ANKRD36B: variants seen among roughly 807,000 people sequenced by gnomAD.
The protein encoded by ANKRD36B is ankyrin repeat domain 36B, also known as ankyrin repeat domain-containing protein 36B.
In ANKRD36B, 37 loss-of-function variants were observed where a neutral mutation model predicts 135.7. The ratio of observed to expected loss-of-function variants is 0.27; its 90% CI spans 0.21 to 0.36. The LOEUF (loss-of-function observed/expected upper bound fraction) is 0.36. ANKRD36B is among the 10% of genes least tolerant of loss of function. ANKRD36B has a pLI of 1.00. For synonymous variants in ANKRD36B, 179 were observed against 348.1 expected, an observed-to-expected ratio of 0.51 and a Z score of 5.41; for missense variants, 549 against 1,037.1, an observed-to-expected ratio of 0.53 and a Z score of 6.46.
rs188773792 is a variant in ANKRD36B at position 97,527,437 on chromosome 2, C to A, written c.2266-3970G>T. ...CATGGAAAGGAACAACCGGTACCAG[C>A]CACTGCAAAATCATGACAAAATATA... On this transcript the variant is annotated intron_variant, in intron 35 of 43. Transcript: ENST00000359901. Among the ~76,000 whole-genome samples the A allele has an allele frequency of 5.0e-3, 470 of 94,458 alleles. 125 individuals carry two copies. Among genetic ancestry groups the A allele is most frequent in the African/African-American group, 0.014 (451 of 31,404 alleles). The allele number at this position is 94,458 out of a possible 152,430, so 62.0% of individuals were successfully genotyped here.
intron 1 of ANKRD36B, among the ~76,000 whole-genome samples, chr2:97,586,977 C>T (rs2083046690): frequency 6.6e-6 from 1 of 152,134 alleles, no homozygotes; most frequent in Admixed American, 6.5e-5. Context: ...AGTTTGAGAC[C>T]AGCCTGGTCA....
At chr2:97,552,158 C>T (rs926979991) in intron 16 of ANKRD36B, among the ~76,000 whole-genome samples, 3 of 151,910 alleles carry the variant, frequency 2.0e-5, no homozygotes, top group African/African-American at 7.2e-5. Flanking sequence ...GGATAATATA[C>T]TAGCCTCAAT....
At position 97,527,253 on chromosome 2, in the gene ANKRD36B, C is replaced by G. The variant is rs2078267252; in HGVS notation, c.2266-3786G>C. 2.1e-5 allele frequency among the ~76,000 whole-genome samples: 2 copies of G among 95,784 alleles called. 1 individual carries two copies. The highest frequency in any genetic ancestry group is 5.5e-5 in the Non-Finnish European group (2 of 36,136). 62.8% of individuals were successfully genotyped at this position (95,784 alleles called of 152,430 possible). A position where few individuals can be genotyped will look rare whatever the true frequency, so the allele number is the denominator to read the frequency against. Reference sequence around the variant, plus strand: ...GAAGAGAGTGGGGGCCAATATTCAACATTCTTAAAGAAAAGAATTTTCAAC... The same window carrying G: ...GAAGAGAGTGGGGGCCAATATTCAAGATTCTTAAAGAAAAGAATTTTCAAC... On this transcript the variant is annotated intron_variant, in intron 35 of 43. Transcript: ENST00000359901.
In ANKRD36B at chr2:97,515,020, C is replaced by T. The variant is rs544164817; in HGVS notation, c.2621+712G>A. 1.1e-4 allele frequency among the ~76,000 whole-genome samples: 9 copies of T among 80,258 alleles called. 2 individuals are homozygous for T. Among genetic ancestry groups the T allele is most frequent in the Admixed American group, 8.6e-4 (8 of 9,264 alleles). The allele number at this position is 80,258 out of a possible 152,430, so 52.7% of individuals were successfully genotyped here. A position where few individuals can be genotyped will look rare whatever the true frequency, so the allele number is the denominator to read the frequency against. On this transcript the variant is annotated intron_variant, in intron 37 of 43. Transcript: ENST00000359901. ...CCAGTTTCATGTGATTCTCCTGCCTCAGCCTCCTGCGTAGCTGGGATTACA... is the reference window on the plus strand; with the variant it reads ...CCAGTTTCATGTGATTCTCCTGCCTTAGCCTCCTGCGTAGCTGGGATTACA...
At chr2:97,586,474 T>C (rs1369557354) in intron 1 of ANKRD36B, among the ~76,000 whole-genome samples, 3 of 152,022 alleles carry the variant, frequency 2.0e-5, no homozygotes, top group Non-Finnish European at 2.9e-5. Flanking sequence ...AATCTCAGCT[T>C]GCTCAGGCTG....
At chr2:97,554,907 G>C (rs2080371277) in intron 14 of ANKRD36B, among the ~76,000 whole-genome samples, 153 bp downstream of exon 14, 1 of 151,898 alleles carries the variant, frequency 6.6e-6, no homozygotes, top group African/African-American at 2.4e-5. Context: ...AGCAGCATCA[G>C]CATCACCCGA....
rs1178563803 is a variant in ANKRD36B at position 97,589,664 on chromosome 2, C to T, written c.22G>A (p.Gly8Ser). The change falls in exon 1 of 44, where the codon GGC becomes AGC. Residue 8 changes from glycine to serine, a missense_variant. Physicochemically the swap from Gly to Ser is moderately conservative, Grantham distance 56. Transcript: ENST00000359901. ...ATGTAGTAATGGGGAAATGCGAAGC[C>T]ATCCGAGCACAAGCGCTCCATGAGG... is the stretch of plus-strand genomic sequence containing the variant. MERLCSD[G>S]FAFPHYYIKP... 6.2e-7 allele frequency: 1 copy of T among 1,614,210 alleles called. No individual in the cohort carries two copies. The highest frequency in any genetic ancestry group is 2.2e-5 in the East Asian group (1 of 44,870).
chr2:97,572,092 G>C (rs886888984), intron 6 of ANKRD36B, among the ~76,000 whole-genome samples: 1 of 152,104 alleles, frequency 6.6e-6, no homozygotes, highest in African/African-American at 2.4e-5. Context: ...GGGCAAAAGA[G>C]AGAGACCTTT....
chr2:97,553,998 A>G (rs527847569), intron 14 of ANKRD36B, among the ~76,000 whole-genome samples: 2 of 152,070 alleles, frequency 1.3e-5, no homozygotes, highest in African/African-American at 4.8e-5. Context: ...TGTATTCTCT[A>G]GTTTAGCCTT....
chr2:97,570,780 A>G (rs1300450121), intron 6 of ANKRD36B, among the ~76,000 whole-genome samples: 1 of 152,196 alleles, frequency 6.6e-6, no homozygotes, highest in African/African-American at 2.4e-5. Flanking sequence ...TAACAAATCA[A>G]AGCCCAGAGT....
At chr2:97,584,370 CT>C (rs1347087287) in intron 3 of ANKRD36B, among the ~76,000 whole-genome samples, 1 of 122,492 alleles carries the variant, frequency 8.2e-6, no homozygotes, top group Non-Finnish European at 1.6e-5. Flanking sequence ...CACAAAAACC[CT>C]CTCCACAGTA....
chr2:97,572,593 A>T (rs939839223), intron 6 of ANKRD36B, among the ~76,000 whole-genome samples: 1 of 150,264 alleles, frequency 6.7e-6, no homozygotes, highest in Admixed American at 6.6e-5. Flanking sequence ...TGCTAAAGAT[A>T]TAAAGAAGTT....
intron 3 of ANKRD36B, among the ~76,000 whole-genome samples, chr2:97,582,488 C>A (rs927235921): frequency 2.0e-5 from 3 of 151,824 alleles, no homozygotes; most frequent in African/African-American, 7.3e-5. Flanking sequence ...AGACCACATG[C>A]CTCATAGAAA....
chr2:97,557,478 A>G (rs1215691632), intron 10 of ANKRD36B, among the ~76,000 whole-genome samples: 3 of 151,830 alleles, frequency 2.0e-5, no homozygotes, highest in Non-Finnish European at 4.4e-5. Flanking sequence ...ATCAATGTCA[A>G]AGAAGGTACT....
intron 6 of ANKRD36B, among the ~76,000 whole-genome samples, chr2:97,561,653 T>C (rs2081036208): frequency 6.6e-6 from 1 of 151,946 alleles, no homozygotes; most frequent in African/African-American, 2.4e-5. Flanking sequence ...CCAATATTCC[T>C]TGAAAATAAC....
rs1421338616 is a variant in ANKRD36B, at chr2:97,536,510, G to A, written c.2090-14C>T. On this transcript the variant is annotated splice_polypyrimidine_tract_variant and intron_variant, in intron 32 of 43. Coordinates refer to ENST00000359901, the MANE Select transcript of ANKRD36B (RefSeq NM_001393939.1). ...TCTCAGGATACTCTAACAAGCAAGA[G>A]AAATATATAATCATATGTAAATATG... 3.4e-6 allele frequency: 3 copies of A among 889,704 alleles called. 1 individual carries two copies. In the African/African-American group the frequency reaches 5.2e-5, roughly 15 times the overall value. 55.1% of individuals were successfully genotyped at this position (889,704 alleles called of 1,614,324 possible).
At chr2:97,522,155 T>C (rs1368753882) in intron 36 of ANKRD36B, among the ~76,000 whole-genome samples, 2 of 91,326 alleles carry the variant, frequency 2.2e-5, no homozygotes, top group Non-Finnish European at 5.7e-5. Context: ...AAATCTGTAA[T>C]TCAACAATTA....
rs1420989352 is a variant in ANKRD36B, at chr2:97,562,356, A to AC, written c.764-1497dup. 2.0e-5 allele frequency among the ~76,000 whole-genome samples: 3 copies of AC among 152,050 alleles called. No homozygotes were observed. The South Asian group carries it at 6.2e-4, about 32-fold the overall frequency. On this transcript the variant is annotated intron_variant, in intron 6 of 43. Coordinates refer to ENST00000359901, the MANE Select transcript of ANKRD36B (RefSeq NM_001393939.1). ...TTTAAAATCTAGTTTCACATGATAT[A>AC]CCATCAGGGTCTCTCAGGTTCTTTT...
At chr2:97,513,061 T>G (rs1394802765) in intron 38 of ANKRD36B, 119 bp downstream of exon 38, 1 of 1,170,150 alleles carries the variant, frequency 8.5e-7, no homozygotes, top group South Asian at 2.0e-5. Context: ...GATTCATTTT[T>G]AAGATGAAAT....
Sources: gnomAD v4.1 joint callset for allele counts (sites outside exome capture counted in the v4.1 genomes callset) on GRCh38, gnomAD v4.1.1 for gene constraint, MANE v1.5 for transcripts, NCBI Gene and HGNC (gene_info 2026-07-23, HGNC 2026-07-21) for gene names.